LY96: variants seen among roughly 807,000 people sequenced by gnomAD.
The protein encoded by LY96 is lymphocyte antigen 96.
In LY96, 18 loss-of-function variants were observed where a neutral mutation model predicts 18.9. That is an observed-to-expected ratio of 0.95 (90% CI 0.66 to 1.41). LY96 has a LOEUF of 1.41. LY96 is among the 40% of genes most tolerant of loss of function. The pLI, the probability that LY96 is intolerant of heterozygous loss-of-function variation, is 0.00. For synonymous variants in LY96, 66 were observed against 62.6 expected (o/e 1.06, Z -0.26); for missense variants, 175 against 182.4 (o/e 0.96, Z 0.23).
chr8:74,010,097 AC>A lies in LY96; in HGVS notation c.300del (p.Asp100GlufsTer9). 1.9e-6 allele frequency: 3 copies of A among 1,613,450 alleles called. No individual in the cohort carries two copies. Among genetic ancestry groups the A allele is most frequent in the Non-Finnish European group, 2.5e-6 (3 of 1,179,506 alleles). On this transcript the variant is annotated frameshift_variant, in exon 3 of 5. Coordinates refer to ENST00000284818, the MANE Select transcript of LY96 (RefSeq NM_015364.5). LOFTEE classifies it high-confidence loss of function. ...RKEVICRGSD[D>X]DYSFCRALKG... ...GAAGTTATTTGCCGAGGATCTGATG[AC>A]GATTACTCTTTTTGCAGAGCTCTGA... is the stretch of plus-strand genomic sequence containing the variant.
intron 3 of LY96, among the ~76,000 whole-genome samples, chr8:74,024,833 T>C (rs1816836122): frequency 6.6e-6 from 1 of 152,196 alleles, no homozygotes; most frequent in African/African-American, 2.4e-5. Flanking sequence ...TATTTTAATT[T>C]AATGTATTTA....
Position 73,992,836 on chromosome 8 carries a change from C to CTGTATGTGTGTG in LY96, c.112+1285_112+1286insATGTGTGTGTGT, listed in dbSNP as rs1458068284. 2.0e-4 allele frequency among the ~76,000 whole-genome samples: 28 copies of CTGTATGTGTGTG among 141,884 alleles called. 2 individuals are homozygous for CTGTATGTGTGTG. Among genetic ancestry groups the CTGTATGTGTGTG allele is most frequent in the South Asian group, 6.9e-4 (3 of 4,358 alleles). 93.1% of individuals were successfully genotyped at this position (141,884 alleles called of 152,430 possible). On this transcript the variant is annotated intron_variant, in intron 1 of 4. Coordinates refer to ENST00000284818, the MANE Select transcript of LY96 (RefSeq NM_015364.5). ...TTTGTACCATGTGCTAATTATGCCA[C>CTGTATGTGTGTG]TGTGTGTGTGTGTGTGTGTGTGTGT...
the LY96 span, among the ~76,000 whole-genome samples, chr8:74,080,552 C>T: frequency 3.9e-5 from 6 of 152,298 alleles, no homozygotes; most frequent in South Asian, 1.0e-3. Context: ...TCAAGCTGTG[C>T]GTATGAAACA....
the LY96 span, among the ~76,000 whole-genome samples, chr8:74,037,612 A>C: frequency 6.6e-6 from 1 of 152,190 alleles, no homozygotes; most frequent in South Asian, 2.1e-4. Context: ...CAGCTGGGGC[A>C]ACAGAGTGAG....
intron 3 of LY96, among the ~76,000 whole-genome samples, chr8:74,024,059 T>C (rs1816821371): frequency 6.6e-6 from 1 of 152,172 alleles, no homozygotes; most frequent in Admixed American, 6.5e-5. Flanking sequence ...AATTATGTAA[T>C]GATGTATTGC....
chr8:74,045,942 C>T, the LY96 span, among the ~76,000 whole-genome samples: 3 of 152,064 alleles, frequency 2.0e-5, no homozygotes. Flanking sequence ...GCACAGAGGA[C>T]AGTGGAGAAG....
the LY96 span, among the ~76,000 whole-genome samples, chr8:74,053,848 G>T: frequency 1.3e-5 from 2 of 152,280 alleles, no homozygotes; most frequent in East Asian, 3.9e-4. Context: ...TGGTGAGACT[G>T]GTGGCTTTAT....
chr8:74,026,128 T>C (rs1049184911), intron 3 of LY96, among the ~76,000 whole-genome samples: 1 of 145,562 alleles, frequency 6.9e-6, no homozygotes, highest in African/African-American at 2.7e-5. Context: ...AGAACAATAT[T>C]ATAGTTTTTG....
At chr8:74,093,540 T>A in the LY96 span, among the ~76,000 whole-genome samples, 2 of 152,242 alleles carry the variant, frequency 1.3e-5, no homozygotes, top group Non-Finnish European at 2.9e-5. Flanking sequence ...GAACAAATGT[T>A]TACCACAGTG....
At chr8:74,032,358 C>T (rs1435006259), downstream of LY96, among the ~76,000 whole-genome samples, 1 of 152,232 alleles carries the variant, frequency 6.6e-6, no homozygotes, top group East Asian at 1.9e-4. Context: ...ATGAAATCCA[C>T]AGGCAGACAG....
chr8:74,080,098 G>A, the LY96 span, among the ~76,000 whole-genome samples: 2 of 152,144 alleles, frequency 1.3e-5, no homozygotes, highest in South Asian at 2.1e-4. Flanking sequence ...AAGGGAAAGC[G>A]TACATTGCAG....
At chr8:74,002,828 C>A (rs1563711305) in intron 1 of LY96, among the ~76,000 whole-genome samples, 1 of 152,162 alleles carries the variant, frequency 6.6e-6, no homozygotes, top group African/African-American at 2.4e-5. Context: ...CCCGCCTCGG[C>A]CTCCCAGAGT....
chr8:74,024,456 G>T (rs1014069365), intron 3 of LY96, among the ~76,000 whole-genome samples: 1 of 151,754 alleles, frequency 6.6e-6, no homozygotes, highest in African/African-American at 2.4e-5. Context: ...GAAGGGAGAA[G>T]GAATAATATT....
intron 1 of LY96, among the ~76,000 whole-genome samples, chr8:74,000,984 C>A (rs963648912): frequency 6.6e-6 from 1 of 152,186 alleles, no homozygotes; most frequent in African/African-American, 2.4e-5. Context: ...TTCACAAGGG[C>A]AGAGCCCTCA....
intron 3 of LY96, among the ~76,000 whole-genome samples, chr8:74,023,472 G>A (rs1408887322): frequency 6.6e-6 from 1 of 152,162 alleles, no homozygotes; most frequent in Non-Finnish European, 1.5e-5. Context: ...TACTTGCTTG[G>A]ACTTCCTGCC....
At chr8:74,081,360 A>T in the LY96 span, among the ~76,000 whole-genome samples, 1 of 150,492 alleles carries the variant, frequency 6.6e-6, no homozygotes. Flanking sequence ...TGCTCAAGTG[A>T]TCCTCCTACC....
chr8:74,026,751 T>G, intron 3 of LY96, 38 bp from the exon 4 acceptor site: 1 of 1,215,480 alleles, frequency 8.2e-7, no homozygotes, highest in Non-Finnish European at 1.2e-6. Context: ...CACCTAACCG[T>G]GACCAATAAC....
chr8:74,025,019 G>T (rs772115053), intron 3 of LY96, among the ~76,000 whole-genome samples: 2 of 152,030 alleles, frequency 1.3e-5, no homozygotes, highest in African/African-American at 4.8e-5. Flanking sequence ...TACAGATAAG[G>T]CTTCACCATG....
chr8:74,039,722 G>A, the LY96 span, among the ~76,000 whole-genome samples: 1 of 152,148 alleles, frequency 6.6e-6, no homozygotes, highest in African/African-American at 2.4e-5. Flanking sequence ...GCACTTATAA[G>A]AAAGATCAAA....
Sources: gnomAD v4.1 joint callset for allele counts (sites outside exome capture counted in the v4.1 genomes callset) on GRCh38, gnomAD v4.1.1 for gene constraint, MANE v1.5 for transcripts, NCBI Gene and HGNC (gene_info 2026-07-23, HGNC 2026-07-21) for gene names.